LCLAT1: variants seen among roughly 807,000 people sequenced by gnomAD.
The protein encoded by LCLAT1 is 1-AGP acyltransferase 8.
A neutral mutation model predicts 30.7 loss-of-function variants in LCLAT1; 11 were observed. The observed-to-expected ratio is 0.36, with a 90% confidence interval of 0.23 to 0.59. The LOEUF is 0.59. Among genes scored for constraint, LCLAT1 ranks in the 20% least tolerant of loss-of-function variants. The pLI, the probability that LCLAT1 is intolerant of heterozygous loss-of-function variation, is 0.77. For synonymous variants in LCLAT1, 155 were observed against 151.3 expected (o/e 1.02, Z -0.18); for missense variants, 402 against 458.6 (o/e 0.88, Z 1.13).
chr2:30,485,828 T>C (rs1292262953), intron 1 of LCLAT1, among the ~76,000 whole-genome samples: 3 of 152,202 alleles, frequency 2.0e-5, no homozygotes, highest in Non-Finnish European at 2.9e-5. Context: ...CTATAGCAGA[T>C]TGTTTTTTAG....
intron 1 of LCLAT1, among the ~76,000 whole-genome samples, chr2:30,495,382 A>G (rs1323176315): frequency 6.6e-6 from 1 of 152,142 alleles, no homozygotes; most frequent in Non-Finnish European, 1.5e-5. Context: ...TTCATAATAA[A>G]TATTTCTAAT....
intron 3 of LCLAT1, among the ~76,000 whole-genome samples, chr2:30,544,856 T>C (rs1253914853): frequency 2.0e-5 from 3 of 152,190 alleles, no homozygotes; most frequent in Admixed American, 2.0e-4. Flanking sequence ...TCTTTACTGC[T>C]GTAGTCATTT....
intron 1 of LCLAT1, among the ~76,000 whole-genome samples, chr2:30,497,001 C>T (rs992458711): frequency 6.6e-6 from 1 of 152,176 alleles, no homozygotes; most frequent in African/African-American, 2.4e-5. Flanking sequence ...TCAGTATTTA[C>T]TTATTTCAGA....
At chr2:30,528,720 C>G (rs1298532940) in intron 2 of LCLAT1, among the ~76,000 whole-genome samples, 1 of 152,134 alleles carries the variant, frequency 6.6e-6, no homozygotes, top group African/African-American at 2.4e-5. Flanking sequence ...GCTGTTTGGA[C>G]AGTTTAACAC....
chr2:30,595,396 C>G (rs1316017707), intron 5 of LCLAT1, among the ~76,000 whole-genome samples: 1 of 152,060 alleles, frequency 6.6e-6, no homozygotes, highest in Admixed American at 6.6e-5. Context: ...TAATTATGTG[C>G]CAAGCATTAT....
chr2:30,525,885 C>A, intron 2 of LCLAT1, 130 bp downstream of exon 2: 2 of 702,354 alleles, frequency 2.8e-6, no homozygotes, highest in African/African-American at 3.5e-5. Flanking sequence ...CTTCTGTATG[C>A]TTTAAATAAT....
Position 30,576,672 on chromosome 2 carries a change from A to G in LCLAT1, c.628+8496A>G, listed in dbSNP as rs1666004281. 2.6e-5 allele frequency among the ~76,000 whole-genome samples: 4 copies of G among 152,058 alleles called. No individual in the cohort carries two copies. The South Asian group carries it at 8.3e-4, about 31-fold the overall frequency. On this transcript the variant is annotated intron_variant, in intron 5 of 5. Coordinates refer to ENST00000379509, the MANE Select transcript of LCLAT1 (RefSeq NM_001002257.3). ...TATATAGTATGCAGTTTCATTGTGA[A>G]TGTATATGCTTCTTTTTTGGGTTTG...
intron 1 of LCLAT1, among the ~76,000 whole-genome samples, chr2:30,515,208 C>G (rs1455382820): frequency 6.6e-6 from 1 of 152,190 alleles, no homozygotes; most frequent in Non-Finnish European, 1.5e-5. Flanking sequence ...TCTTTAATCC[C>G]TGTTAGCAGA....
chr2:30,602,432 A>G (rs1216638734), intron 5 of LCLAT1, among the ~76,000 whole-genome samples: 1 of 152,192 alleles, frequency 6.6e-6, no homozygotes, highest in East Asian at 1.9e-4. Flanking sequence ...CTTTGGTAAA[A>G]TGGCTACAAC....
intron 1 of LCLAT1, among the ~76,000 whole-genome samples, chr2:30,459,118 G>A (rs1681975087): frequency 6.6e-6 from 1 of 152,146 alleles, no homozygotes; most frequent in Non-Finnish European, 1.5e-5. Flanking sequence ...GAAGGTCTTT[G>A]GGTTCCTCTA....
chr2:30,615,422 A>C (rs754138179), intron 5 of LCLAT1, among the ~76,000 whole-genome samples: 1 of 152,064 alleles, frequency 6.6e-6, no homozygotes, highest in Non-Finnish European at 1.5e-5. Context: ...GATAGTGAGG[A>C]AGTTATTGGA....
intron 1 of LCLAT1, among the ~76,000 whole-genome samples, chr2:30,448,538 G>A (rs548306875): frequency 2.0e-5 from 3 of 152,270 alleles, no homozygotes; most frequent in South Asian, 4.1e-4. Context: ...ACGTAATAGC[G>A]CTTGTGTTTC....
chr2:30,454,988 G>A (rs1681757532), intron 1 of LCLAT1, among the ~76,000 whole-genome samples: 1 of 152,086 alleles, frequency 6.6e-6, no homozygotes, highest in South Asian at 2.1e-4. Flanking sequence ...ACTAGAAGTC[G>A]GAGTTACTCA....
At chr2:30,573,410 A>G (rs1037327374) in intron 5 of LCLAT1, among the ~76,000 whole-genome samples, 1 of 152,174 alleles carries the variant, frequency 6.6e-6, no homozygotes, top group Non-Finnish European at 1.5e-5. Context: ...GGGTGGCATC[A>G]CACTGAGATA....
intron 3 of LCLAT1, among the ~76,000 whole-genome samples, chr2:30,547,914 C>T (rs1245081803): frequency 6.6e-6 from 1 of 152,034 alleles, no homozygotes. Context: ...TTGATTTACT[C>T]GTTCAGTAAA....
intron 3 of LCLAT1, among the ~76,000 whole-genome samples, chr2:30,558,072 A>G (rs999848350): frequency 2.0e-5 from 3 of 152,202 alleles, no homozygotes; most frequent in East Asian, 3.9e-4. Flanking sequence ...ATAACATCCT[A>G]ATGAGTTTGG....
At chr2:30,624,894 A>C (rs574072319) in intron 5 of LCLAT1, among the ~76,000 whole-genome samples, 2 of 152,312 alleles carry the variant, frequency 1.3e-5, no homozygotes, top group South Asian at 4.1e-4. Context: ...TTCGAGAAAA[A>C]TGAAATTATA....
At chr2:30,590,535 A>G (rs965151774) in intron 5 of LCLAT1, among the ~76,000 whole-genome samples, 1 of 146,396 alleles carries the variant, frequency 6.8e-6, no homozygotes, top group African/African-American at 2.5e-5. Context: ...TATATATATT[A>G]TATGTATATC....
chr2:30,599,073 C>T (rs937734047), intron 5 of LCLAT1, among the ~76,000 whole-genome samples: 2 of 151,874 alleles, frequency 1.3e-5, no homozygotes, highest in Non-Finnish European at 2.9e-5. Context: ...ACCTCCGCCT[C>T]CCGGTTCAAG....
Sources: gnomAD v4.1 joint callset for allele counts (sites outside exome capture counted in the v4.1 genomes callset) on GRCh38, gnomAD v4.1.1 for gene constraint, MANE v1.5 for transcripts, NCBI Gene and HGNC (gene_info 2026-07-23, HGNC 2026-07-21) for gene names.